Variants in TBC1D5 observed in about 807,000 individuals in gnomAD.
TBC1D5 encodes the protein TBC1 domain family, member 5.
Under a neutral mutation model 100.3 loss-of-function variants are expected in TBC1D5, and 75 were observed. The ratio of observed to expected loss-of-function variants is 0.75; its 90% CI spans 0.62 to 0.91. TBC1D5 has a LOEUF of 0.91. TBC1D5 is among the 40% of genes least tolerant of loss of function. TBC1D5 has a pLI of 0.00. For synonymous variants in TBC1D5, 323 were observed against 325.6 expected (o/e 0.99, Z 0.09); for missense variants, 910 against 942.4 (o/e 0.97, Z 0.45).
chr3:17,555,511 G>A (rs936667678), intron 2 of TBC1D5, among the ~76,000 whole-genome samples: 1 of 152,148 alleles, frequency 6.6e-6, no homozygotes, highest in Admixed American at 6.5e-5. Context: ...AGAGGCAATA[G>A]ATGGCAACTG....
intron 2 of TBC1D5, among the ~76,000 whole-genome samples, chr3:17,596,472 C>T (rs1448565174): frequency 1.3e-5 from 2 of 151,480 alleles, no homozygotes; most frequent in African/African-American, 2.4e-5. Flanking sequence ...ATGCCCACCA[C>T]CACACCCAGG....
intron 1 of TBC1D5, among the ~76,000 whole-genome samples, chr3:17,664,480 T>C (rs1035158889): frequency 1.3e-5 from 2 of 152,222 alleles, no homozygotes; most frequent in African/African-American, 4.8e-5. Flanking sequence ...GAATATTCAA[T>C]TGCATGGATA....
intron 3 of TBC1D5, among the ~76,000 whole-genome samples, chr3:17,498,175 T>C (rs571799596): frequency 1.3e-5 from 2 of 152,278 alleles, no homozygotes; most frequent in South Asian, 4.1e-4. Flanking sequence ...ATAATATTCC[T>C]GCCCTTGTGC....
chr3:17,560,457 A>T (rs2096551267), intron 2 of TBC1D5, among the ~76,000 whole-genome samples: 1 of 152,040 alleles, frequency 6.6e-6, no homozygotes, highest in Non-Finnish European at 1.5e-5. Context: ...CTGTCTCTAA[A>T]AAAATTGAAA....
chr3:17,362,057 C>T (rs573744716), intron 13 of TBC1D5, among the ~76,000 whole-genome samples: 2 of 152,044 alleles, frequency 1.3e-5, no homozygotes, highest in Admixed American at 6.5e-5. Context: ...GGTAGTCTTT[C>T]CACAAATGGT....
At chr3:17,626,390 C>A in intron 1 of TBC1D5, among the ~76,000 whole-genome samples, 1 of 151,936 alleles carries the variant, frequency 6.6e-6, no homozygotes, top group South Asian at 2.1e-4. Context: ...TTAAGATTTA[C>A]GGGAAAAAAA....
At chr3:17,215,879 T>C (rs2073576716) in intron 17 of TBC1D5, among the ~76,000 whole-genome samples, 1 of 152,102 alleles carries the variant, frequency 6.6e-6, no homozygotes, top group African/African-American at 2.4e-5. Flanking sequence ...ATAGTAATTA[T>C]CTACTCCCAG....
intron 4 of TBC1D5, among the ~76,000 whole-genome samples, chr3:17,417,053 T>C (rs180956199): frequency 1.3e-5 from 2 of 152,226 alleles, no homozygotes; most frequent in East Asian, 1.9e-4. Flanking sequence ...AAGAAGGCAA[T>C]AGTAGTTATT....
chr3:17,431,343 A>G (rs1358813094), intron 3 of TBC1D5, among the ~76,000 whole-genome samples: 3 of 152,020 alleles, frequency 2.0e-5, no homozygotes, highest in African/African-American at 7.2e-5. Flanking sequence ...GTGGTTTAAG[A>G]TAATAGGCTT....
chr3:17,427,594 T>C (rs574055163), intron 4 of TBC1D5, among the ~76,000 whole-genome samples: 2 of 151,982 alleles, frequency 1.3e-5, no homozygotes, highest in African/African-American at 2.4e-5. Flanking sequence ...TTCTTGCATA[T>C]ATTTTATAGT....
intron 3 of TBC1D5, among the ~76,000 whole-genome samples, chr3:17,440,992 G>T (rs2094642589): frequency 6.6e-6 from 1 of 152,160 alleles, no homozygotes; most frequent in South Asian, 2.1e-4. Context: ...GAAGTGATTT[G>T]TGGGTGGGTG....
At chr3:17,531,294 T>C (rs1560098616) in intron 2 of TBC1D5, among the ~76,000 whole-genome samples, 1 of 152,162 alleles carries the variant, frequency 6.6e-6, no homozygotes, top group Non-Finnish European at 1.5e-5. Context: ...GAAGGACTTC[T>C]TCAAGGAGAA....
At chr3:17,337,194 G>T (rs2088030424) in intron 13 of TBC1D5, among the ~76,000 whole-genome samples, 2 of 149,290 alleles carry the variant, frequency 1.3e-5, no homozygotes, top group Non-Finnish European at 3.0e-5. Context: ...TGAGTCTGGG[G>T]TGGTGCCTGA....
chr3:17,243,340 C>A (rs867987293), intron 16 of TBC1D5, among the ~76,000 whole-genome samples: 2 of 152,030 alleles, frequency 1.3e-5, no homozygotes, highest in Middle Eastern at 3.4e-3. Context: ...TAAAGAGATA[C>A]CCAATATATC....
intron 15 of TBC1D5, among the ~76,000 whole-genome samples, chr3:17,265,399 T>C (rs138699576): frequency 8.3e-4 from 126 of 152,200 alleles, no homozygotes; most frequent in Non-Finnish European, 1.4e-3. Context: ...TTAATTTTTA[T>C]AGCATGCTAG....
intron 3 of TBC1D5, among the ~76,000 whole-genome samples, chr3:17,489,068 G>A (rs749856849): frequency 6.6e-5 from 10 of 151,730 alleles, no homozygotes; most frequent in African/African-American, 1.7e-4. Context: ...TGCCAAAAAC[G>A]CTGGGGACTA....
intron 13 of TBC1D5, among the ~76,000 whole-genome samples, chr3:17,355,886 A>G (rs903087986): frequency 1.3e-5 from 2 of 152,156 alleles, no homozygotes; most frequent in Non-Finnish European, 2.9e-5. Context: ...TAGCTATAAA[A>G]CAGGTTTCTA....
chr3:17,292,546 T>C (rs1431462560), intron 14 of TBC1D5, among the ~76,000 whole-genome samples: 2 of 152,218 alleles, frequency 1.3e-5, no homozygotes, highest in Non-Finnish European at 2.9e-5. Context: ...AGAGAATACC[T>C]AAGCAGCATT....
chr3:17,351,627 T>C (rs1575476739), intron 13 of TBC1D5, among the ~76,000 whole-genome samples: 1 of 151,958 alleles, frequency 6.6e-6, no homozygotes, highest in Non-Finnish European at 1.5e-5. Flanking sequence ...ATACCTAATA[T>C]AGATGATGGT....
Sources: gnomAD v4.1 joint callset for allele counts (sites outside exome capture counted in the v4.1 genomes callset) on GRCh38, gnomAD v4.1.1 for gene constraint, MANE v1.5 for transcripts, NCBI Gene and HGNC (gene_info 2026-07-23, HGNC 2026-07-21) for gene names.